The following RBFOX2 variants were observed in gnomAD, a reference collection of about 807,000 sequenced individuals.
The protein encoded by RBFOX2 is RNA binding protein fox-1 homolog 2.
RBFOX2 carries 10 observed loss-of-function variants against 49.1 expected under a neutral mutation model. The ratio of observed to expected loss-of-function variants is 0.20; its 90% CI spans 0.13 to 0.35. RBFOX2 has a LOEUF of 0.35. Among genes scored for constraint, RBFOX2 ranks in the 10% least tolerant of loss-of-function variants. The pLI is 1.00. For missense variants in RBFOX2, 323 were observed against 486.9 expected, an observed-to-expected ratio of 0.66 and a Z score of 3.17; for synonymous variants, 183 against 187.4, an observed-to-expected ratio of 0.98 and a Z score of 0.19.
At position 35,886,874 on chromosome 22, in the gene RBFOX2, A is replaced by G. The variant is rs575814844; in HGVS notation, c.-34+51973T>C. ...GAACCAAGAAGGAGAAAGGGGAGTT[A>G]GTGAAGTAAGACTACAACTCCTAAA... On this transcript the variant is annotated intron_variant, in intron 1 of 13. Transcript: ENST00000359369. Among the ~76,000 whole-genome samples, 6 of 152,312 alleles carry G rather than the reference A, an allele frequency of 3.9e-5. No individual in the cohort carries two copies. In the South Asian group the frequency reaches 1.0e-3, roughly 26 times the overall value.
At chr22:35,739,567 T>C (rs41283203) in exon 12 of RBFOX2, 3,002 of 152,660 alleles carry the variant, frequency 0.02, 42 homozygotes, top group Non-Finnish European at 0.029. Flanking sequence ...ACAAATACTG[T>C]GAACAGAAAA....
intron 1 of RBFOX2, among the ~76,000 whole-genome samples, chr22:35,923,726 T>A (rs1394690694): frequency 6.7e-6 from 1 of 149,398 alleles, no homozygotes; most frequent in East Asian, 2.0e-4. Context: ...CCCACCCAAA[T>A]AATAAAGACT....
chr22:35,824,948 G>A (rs1246855649), intron 1 of RBFOX2, among the ~76,000 whole-genome samples: 2 of 152,156 alleles, frequency 1.3e-5, no homozygotes, highest in Admixed American at 6.5e-5. Context: ...GGCCTGGCAC[G>A]GTGGCTCCCA....
intron 1 of RBFOX2, among the ~76,000 whole-genome samples, chr22:36,002,924 C>A (rs1257458098): frequency 1.3e-5 from 2 of 152,364 alleles, no homozygotes; most frequent in Admixed American, 6.5e-5. Flanking sequence ...CCACGCCCAG[C>A]CCGGACTCTT....
intron 11 of RBFOX2, among the ~76,000 whole-genome samples, chr22:35,744,970 G>A (rs1403334456): frequency 1.3e-5 from 2 of 152,110 alleles, no homozygotes; most frequent in African/African-American, 2.4e-5. Flanking sequence ...ATTTTAGGAC[G>A]AAATACAACC....
chr22:35,746,687 C>T, intron 9 of RBFOX2, 126 bp from the exon 12 acceptor site: 1 of 452,130 alleles, frequency 2.2e-6, no homozygotes, highest in South Asian at 8.7e-5. Flanking sequence ...CATAGACACA[C>T]ACATGGGAAG....
intron 1 of RBFOX2, among the ~76,000 whole-genome samples, chr22:35,908,312 A>T (rs901496346): frequency 1.3e-5 from 2 of 152,234 alleles, no homozygotes; most frequent in Non-Finnish European, 2.9e-5. Context: ...CTATAAACTC[A>T]TCATAAGTTG....
intron 2 of RBFOX2, among the ~76,000 whole-genome samples, chr22:35,791,378 T>C (rs954770517): frequency 1.6e-4 from 23 of 142,716 alleles, no homozygotes; most frequent in African/African-American, 5.5e-4. Context: ...GAGCAAAAAC[T>C]CTGTCTCAAA....
At chr22:35,815,394 A>C (rs1952826058) in intron 1 of RBFOX2, among the ~76,000 whole-genome samples, 1 of 152,338 alleles carries the variant, frequency 6.6e-6, no homozygotes, top group Non-Finnish European at 1.5e-5. Context: ...GAAATGACCC[A>C]AAATATAATT....
At chr22:35,799,537 C>G (rs2147824774) in intron 2 of RBFOX2, among the ~76,000 whole-genome samples, 1 of 152,280 alleles carries the variant, frequency 6.6e-6, no homozygotes, top group South Asian at 2.1e-4. Context: ...TTTTTGTTCT[C>G]TCCAACAATC....
At chr22:35,887,322 T>C (rs2046697161) in intron 1 of RBFOX2, among the ~76,000 whole-genome samples, 1 of 152,258 alleles carries the variant, frequency 6.6e-6, no homozygotes, top group East Asian at 1.9e-4. Flanking sequence ...ACAACTACAA[T>C]GGTAACTGTT....
At chr22:35,773,262 G>A (rs1943135302) in intron 4 of RBFOX2, among the ~76,000 whole-genome samples, 1 of 151,930 alleles carries the variant, frequency 6.6e-6, no homozygotes, top group Non-Finnish European at 1.5e-5. Flanking sequence ...TGATAATAGG[G>A]AAAACATTAC....
intron 1 of RBFOX2, among the ~76,000 whole-genome samples, chr22:35,890,846 C>A (rs2047153507): frequency 6.6e-6 from 1 of 151,970 alleles, no homozygotes; most frequent in African/African-American, 2.4e-5. Context: ...AAGAAGCTAG[C>A]ATAAAATGAA....
rs145852814 is a variant in RBFOX2 at position 35,926,315 on chromosome 22, G to C, written c.-34+12532C>G. 3.9e-5 allele frequency among the ~76,000 whole-genome samples: 6 copies of C among 152,276 alleles called. No individual in the cohort carries two copies. The East Asian group carries it at 1.2e-3, about 29-fold the overall frequency. ...CTAACTACTTAGCTGCCCTAACCAA[G>C]TCTAGTCAGATGAATTTCTCGATTT... On this transcript the variant is annotated intron_variant, in intron 1 of 13. Transcript: ENST00000359369.
At chr22:35,945,991 G>T (rs923586986) in intron 1 of RBFOX2, among the ~76,000 whole-genome samples, 1 of 151,906 alleles carries the variant, frequency 6.6e-6, no homozygotes, top group Non-Finnish European at 1.5e-5. Context: ...CACATTTACC[G>T]CTCCCCCCTT....
At chr22:35,894,924 G>C (rs1195686562) in intron 1 of RBFOX2, among the ~76,000 whole-genome samples, 3 of 151,532 alleles carry the variant, frequency 2.0e-5, no homozygotes, top group African/African-American at 7.3e-5. Flanking sequence ...AAACTGGGGG[G>C]CAAGAGTTTG....
At chr22:35,892,799 A>T (rs1296784061) in intron 1 of RBFOX2, among the ~76,000 whole-genome samples, 1 of 152,200 alleles carries the variant, frequency 6.6e-6, no homozygotes, top group Non-Finnish European at 1.5e-5. Flanking sequence ...GAAGAGGTTC[A>T]GTTCAATTAT....
chr22:35,878,815 C>T (rs1009702998), intron 1 of RBFOX2, among the ~76,000 whole-genome samples: 13 of 152,174 alleles, frequency 8.5e-5, no homozygotes, highest in South Asian at 8.3e-4. Flanking sequence ...ACTGCAAGCT[C>T]CGCCTCCCAG....
chr22:35,795,722 T>C (rs1948672318), intron 2 of RBFOX2, among the ~76,000 whole-genome samples: 1 of 148,354 alleles, frequency 6.7e-6, no homozygotes, highest in Non-Finnish European at 1.5e-5. Context: ...AGCTGACTAA[T>C]ATAGTAATAA....
Sources: gnomAD v4.1 joint callset for allele counts (sites outside exome capture counted in the v4.1 genomes callset) on GRCh38, gnomAD v4.1.1 for gene constraint, MANE v1.5 for transcripts, NCBI Gene and HGNC (gene_info 2026-07-23, HGNC 2026-07-21) for gene names.